Variants in SH3RF1 observed in about 807,000 individuals in gnomAD.
SH3RF1 encodes the protein E3 ubiquitin-protein ligase SH3RF1.
A neutral mutation model predicts 74.0 loss-of-function variants in SH3RF1; 32 were observed. The observed-to-expected ratio is 0.43, with a 90% CI of 0.33 to 0.58. The LOEUF (loss-of-function observed/expected upper bound fraction) is 0.58, where lower values mean the gene tolerates loss of function less well. Among genes scored for constraint, SH3RF1 ranks in the 20% least tolerant of loss-of-function variants. SH3RF1 has a pLI of 0.05. For synonymous variants in SH3RF1, 396 were observed against 439.6 expected (o/e 0.90, Z 1.24); for missense variants, 954 against 1,130.9 (o/e 0.84, Z 2.24).
At chr4:169,137,103 C>T (rs1733714490) in intron 4 of SH3RF1, among the ~76,000 whole-genome samples, 1 of 152,162 alleles carries the variant, frequency 6.6e-6, no homozygotes, top group African/African-American at 2.4e-5. Context: ...AGAATAAAAC[C>T]ATTCAAAATG....
intron 2 of SH3RF1, among the ~76,000 whole-genome samples, chr4:169,192,569 A>G (rs566987600): frequency 7.2e-4 from 110 of 152,240 alleles, no homozygotes; most frequent in African/African-American, 2.5e-3. Context: ...ACTATGGAAA[A>G]CAGCGTGGAG....
intron 2 of SH3RF1, among the ~76,000 whole-genome samples, chr4:169,256,843 TC>T (rs1421442591): frequency 6.6e-6 from 1 of 152,124 alleles, no homozygotes; most frequent in Non-Finnish European, 1.5e-5. Flanking sequence ...CCACAACTGA[TC>T]CTCCCACCTT....
intron 2 of SH3RF1, among the ~76,000 whole-genome samples, chr4:169,263,940 T>C (rs1731315733): frequency 6.6e-6 from 1 of 151,758 alleles, no homozygotes. Flanking sequence ...GTTGAGGGAG[T>C]AGGGAGGGGC....
At chr4:169,160,618 G>A (rs1285840752) in intron 2 of SH3RF1, among the ~76,000 whole-genome samples, 1 of 152,186 alleles carries the variant, frequency 6.6e-6, no homozygotes, top group Non-Finnish European at 1.5e-5. Flanking sequence ...GCATCTGGCT[G>A]TGTTTTTCTA....
Position 169,156,663 on chromosome 4 carries a change from G to A in SH3RF1, c.410C>T (p.Pro137Leu). The A allele has an allele frequency of 6.2e-7, 1 of 1,608,816 alleles. No homozygotes were observed. ...SPPVRGIPQL[P>L]CAKALYNYEG... is the part of the protein sequence containing the mutation. ...ATAGTTGTATAATGCTTTGGCACAT[G>A]GTAACTGAGGTATACCCTTTAAAAA... The change falls in exon 3 of 12, where the codon CCA (proline) becomes CTA (leucine). Residue 137 changes from proline (P) to leucine (L), a missense_variant. Transcript: ENST00000284637.
At chr4:169,237,239 C>T (rs549282241) in intron 2 of SH3RF1, among the ~76,000 whole-genome samples, 5 of 152,250 alleles carry the variant, frequency 3.3e-5, no homozygotes, top group South Asian at 2.1e-4. Flanking sequence ...CCCAGACACA[C>T]GGTGAAGGTG....
At chr4:169,157,896 A>G (rs1484511930) in intron 2 of SH3RF1, among the ~76,000 whole-genome samples, 1 of 149,694 alleles carries the variant, frequency 6.7e-6, no homozygotes, top group Non-Finnish European at 1.5e-5. Flanking sequence ...AAGCACCACT[A>G]TGTCTGGCTC....
At chr4:169,211,604 G>A (rs1011046925) in intron 2 of SH3RF1, among the ~76,000 whole-genome samples, 2 of 152,050 alleles carry the variant, frequency 1.3e-5, no homozygotes, top group Non-Finnish European at 2.9e-5. Flanking sequence ...AATAAGGGAC[G>A]AGTCTAAACT....
At chr4:169,189,602 A>G (rs1000963345) in intron 2 of SH3RF1, among the ~76,000 whole-genome samples, 4 of 152,226 alleles carry the variant, frequency 2.6e-5, no homozygotes, top group African/African-American at 9.6e-5. Flanking sequence ...CCACAGGTTA[A>G]AAATAAAACC....
intron 11 of SH3RF1, among the ~76,000 whole-genome samples, chr4:169,100,526 G>C (rs1175576657): frequency 6.6e-6 from 1 of 152,062 alleles, no homozygotes; most frequent in Non-Finnish European, 1.5e-5. Flanking sequence ...ATTTTCAATA[G>C]AGACAGGGTT....
chr4:169,198,083 A>T (rs564378157), intron 2 of SH3RF1, among the ~76,000 whole-genome samples: 1 of 152,230 alleles, frequency 6.6e-6, no homozygotes, highest in East Asian at 1.9e-4. Context: ...AAATTATTGC[A>T]TCTAATGAGA....
At chr4:169,269,350 G>T in intron 1 of SH3RF1, 43 bp from the exon 2 acceptor site, 2 of 849,254 alleles carry the variant, frequency 2.4e-6, no homozygotes, top group Non-Finnish European at 3.3e-6. Context: ...CATGAGTGTT[G>T]TTATCTAGGG....
At chr4:169,116,166 T>C in intron 10 of SH3RF1, 103 bp downstream of exon 10, 2 of 1,503,338 alleles carry the variant, frequency 1.3e-6, no homozygotes, top group Non-Finnish European at 1.8e-6. Flanking sequence ...GAGGGTTTGT[T>C]GAACAGTGAG....
At chr4:169,235,204 A>G (rs889921099) in intron 2 of SH3RF1, among the ~76,000 whole-genome samples, 1 of 152,338 alleles carries the variant, frequency 6.6e-6, no homozygotes, top group Non-Finnish European at 1.5e-5. Context: ...GAAATTTTAA[A>G]CACTAAACAG....
intron 3 of SH3RF1, among the ~76,000 whole-genome samples, chr4:169,156,123 C>T (rs1436335806): frequency 3.3e-5 from 5 of 152,132 alleles, no homozygotes; most frequent in Non-Finnish European, 7.3e-5. Context: ...CTGAGTGGTG[C>T]ATACACCCTT....
At chr4:169,148,454 A>G (rs1733927222) in intron 4 of SH3RF1, among the ~76,000 whole-genome samples, 1 of 152,260 alleles carries the variant, frequency 6.6e-6, no homozygotes, top group South Asian at 2.1e-4. Context: ...TAATATCATT[A>G]AAGCATAAGG....
chr4:169,204,123 G>A (rs1730179686), intron 2 of SH3RF1: 1 of 152,078 alleles, frequency 6.6e-6, no homozygotes, highest in South Asian at 2.1e-4. Context: ...AAAACTTCCT[G>A]GTGGATTATC....
At chr4:169,163,787 C>T (rs1353813354) in intron 2 of SH3RF1, among the ~76,000 whole-genome samples, 5 of 152,174 alleles carry the variant, frequency 3.3e-5, no homozygotes, top group African/African-American at 7.2e-5. Context: ...CAAAATTCAT[C>T]GAGAACAGTC....
At chr4:169,183,549 G>A (rs1390751716) in intron 2 of SH3RF1, among the ~76,000 whole-genome samples, 2 of 152,136 alleles carry the variant, frequency 1.3e-5, no homozygotes, top group Non-Finnish European at 2.9e-5. Flanking sequence ...CCAAAGTGCT[G>A]GGATTACAGA....
Sources: gnomAD v4.1 joint callset for allele counts (sites outside exome capture counted in the v4.1 genomes callset) on GRCh38, gnomAD v4.1.1 for gene constraint, MANE v1.5 for transcripts, NCBI Gene and HGNC (gene_info 2026-07-23, HGNC 2026-07-21) for gene names.